ITGAV: variants seen among roughly 807,000 people sequenced by gnomAD.
ITGAV encodes the protein integrin alpha-V.
Under a neutral mutation model 143.8 loss-of-function variants are expected in ITGAV, and 76 were observed. The ratio of observed to expected loss-of-function variants is 0.53; its 90% CI spans 0.44 to 0.64. The LOEUF is 0.64. Ranked by LOEUF, ITGAV falls within the 30% of genes least tolerant of loss-of-function variation. ITGAV has a pLI of 0.00. For synonymous variants in ITGAV, 453 were observed against 446.7 expected, an observed-to-expected ratio of 1.01 and a Z score of -0.18; for missense variants, 1,193 against 1,274.7, an observed-to-expected ratio of 0.94 and a Z score of 0.98.
intron 21 of ITGAV, among the ~76,000 whole-genome samples, chr2:186,665,705 G>T (rs984784071): frequency 6.6e-6 from 1 of 152,154 alleles, no homozygotes; most frequent in African/African-American, 2.4e-5. Flanking sequence ...CTTGCTTTCC[G>T]AATCCTCTAA....
intron 13 of ITGAV, among the ~76,000 whole-genome samples, chr2:186,647,497 A>G (rs1688295813): frequency 6.6e-6 from 1 of 151,988 alleles, no homozygotes. Context: ...TGGCCTCCCA[A>G]AGTGTTGGGA....
At position 186,680,604 on chromosome 2, in the gene ITGAV, G is replaced by A. The variant is rs199915805; in HGVS notation, c.*3312G>A. On this transcript the variant is annotated 3_prime_UTR_variant, in exon 30 of 30. Transcript: ENST00000261023. The stretch of plus-strand genomic sequence containing the variant: ...AAGTGAGGTTATTTACCCCTAAATG[G>A]TCCATTCTGCATTGTATTTCAGGCT... 2 of 152,444 alleles carry A rather than the reference G, an allele frequency of 1.3e-5. No individual in the cohort carries two copies. The highest frequency in any genetic ancestry group is 2.9e-5 in the Non-Finnish European group (2 of 67,968). 9.4% of individuals were successfully genotyped at this position (152,444 alleles called of 1,614,324 possible).
intron 12 of ITGAV, among the ~76,000 whole-genome samples, chr2:186,643,199 C>A (rs1184719135): frequency 6.6e-6 from 1 of 152,182 alleles, no homozygotes. Flanking sequence ...TTACTGTGAT[C>A]TAGCCAACAT....
At position 186,654,756 on chromosome 2, in the gene ITGAV, C is replaced by T. The variant is rs760471500; in HGVS notation, c.1564+48C>T. ...TATTATTTTAATGATACTGCATACA[C>T]AGCACTTAAAAAATATTTTAAGATA... On this transcript the variant is annotated intron_variant, in intron 16 of 29. Coordinates refer to ENST00000261023, the MANE Select transcript of ITGAV (RefSeq NM_002210.5). 9.3e-6 allele frequency: 7 copies of T among 751,492 alleles called. No individual in the cohort carries two copies. In the African/African-American group the frequency reaches 1.1e-4, roughly 11 times the overall value. The allele number at this position is 751,492 out of a possible 1,614,324, so 46.6% of individuals were successfully genotyped here.
chr2:186,619,875 C>T (rs1687475122), intron 2 of ITGAV, among the ~76,000 whole-genome samples: 1 of 151,986 alleles, frequency 6.6e-6, no homozygotes, highest in Admixed American at 6.6e-5. Flanking sequence ...GCCTGTAATC[C>T]CAGCTACTTG....
intron 1 of ITGAV, among the ~76,000 whole-genome samples, chr2:186,594,851 C>T (rs1480059602): frequency 2.0e-5 from 3 of 152,190 alleles, no homozygotes; most frequent in Admixed American, 6.5e-5. Flanking sequence ...GCTGATTTTT[C>T]TCATCATAAA....
At chr2:186,597,033 A>G (rs1686766528) in intron 1 of ITGAV, among the ~76,000 whole-genome samples, 2 of 152,186 alleles carry the variant, frequency 1.3e-5, no homozygotes, top group Admixed American at 6.5e-5. Flanking sequence ...ACATGAAGGT[A>G]TGCTTAGGAA....
chr2:186,623,981 A>T (rs1687605932), intron 3 of ITGAV, among the ~76,000 whole-genome samples: 1 of 152,106 alleles, frequency 6.6e-6, no homozygotes, highest in Admixed American at 6.5e-5. Flanking sequence ...TCTTGATTAA[A>T]ACAGTCAAGT....
rs201182344 is a variant in ITGAV, at chr2:186,630,805, G to A, written c.532G>A (p.Asp178Asn). Residue 178 changes from aspartate to asparagine, a missense_variant, in exon 5 of 30, where the codon GAT (aspartate) becomes AAT (asparagine). By Grantham distance (23) the Asp-to-Asn change is conservative (BLOSUM62 1). Coordinates refer to ENST00000261023, the MANE Select transcript of ITGAV (RefSeq NM_002210.5). Reference sequence around the variant, plus strand: ...CAATCTTTTTATTTTAGAAGATATTGATGCTGATGGACAGGGATTTTGTCA... The same window carrying A: ...CAATCTTTTTATTTTAGAAGATATTAATGCTGATGGACAGGGATTTTGTCA... ...EYAPCRSQDI[D>N]ADGQGFCQGG... 44 of 1,568,896 alleles carry A rather than the reference G, an allele frequency of 2.8e-5. No individual in the cohort carries two copies. Among genetic ancestry groups the A allele is most frequent in the Non-Finnish European group, 3.8e-5 (43 of 1,141,528 alleles).
intron 2 of ITGAV, among the ~76,000 whole-genome samples, chr2:186,608,282 C>G (rs1442508637): frequency 6.6e-6 from 1 of 152,086 alleles, no homozygotes; most frequent in African/African-American, 2.4e-5. Flanking sequence ...TTTAGTTGAG[C>G]CTTAGGAAGC....
chr2:186,672,672 C>T (rs1026738639), intron 26 of ITGAV, among the ~76,000 whole-genome samples: 3 of 152,186 alleles, frequency 2.0e-5, no homozygotes, highest in Non-Finnish European at 4.4e-5. Context: ...ATATGCATTT[C>T]CCTGTAGACT....
intron 17 of ITGAV, 133 bp downstream of exon 17, chr2:186,656,534 T>C (rs1688591919): frequency 9.5e-6 from 6 of 633,238 alleles, no homozygotes; most frequent in Non-Finnish European, 1.5e-5. Context: ...GAAATTTAGC[T>C]TTGTAAAGTG....
intron 2 of ITGAV, among the ~76,000 whole-genome samples, chr2:186,607,848 C>T (rs1487007576): frequency 2.0e-5 from 3 of 152,008 alleles, no homozygotes; most frequent in Non-Finnish European, 2.9e-5. Context: ...TGGCCCCTGA[C>T]GTTAAGTTGC....
At chr2:186,668,216 ATTT>A (rs1186490756) in intron 24 of ITGAV, among the ~76,000 whole-genome samples, 1 of 4,196 alleles carries the variant, frequency 2.4e-4, no homozygotes, top group African/African-American at 6.4e-4. Flanking sequence ...ATATATATAT[ATTT>A]TTTTTTTTTT....
chr2:186,655,708 A>G (rs1376181239), intron 16 of ITGAV, among the ~76,000 whole-genome samples: 1 of 152,232 alleles, frequency 6.6e-6, no homozygotes, highest in African/African-American at 2.4e-5. Flanking sequence ...TTCTTGATGC[A>G]TTTAACTCTG....
At chr2:186,652,146 G>A (rs973542031) in intron 15 of ITGAV, 57 bp downstream of exon 15, 37 of 1,088,588 alleles carry the variant, frequency 3.4e-5, no homozygotes, top group Non-Finnish European at 4.7e-5. Context: ...GGCATTGTAA[G>A]AACAATTGAA....
In ITGAV at chr2:186,675,813, C is replaced by T. The variant is rs778208791; in HGVS notation, c.2821-7C>T. 1 of 1,586,230 alleles carries T rather than the reference C, an allele frequency of 6.3e-7. No individual in the cohort carries two copies. The highest frequency in any genetic ancestry group is 1.1e-5 in the South Asian group (1 of 88,854). Reference sequence around the variant, plus strand: ...TGGGAAATCATCTAATTGTTATTTCCAAACAGAAAGAAAATCAGAATCATT... The same window carrying T: ...TGGGAAATCATCTAATTGTTATTTCTAAACAGAAAGAAAATCAGAATCATT... On this transcript the variant is annotated splice_region_variant and splice_polypyrimidine_tract_variant and intron_variant, in intron 27 of 29. Transcript: ENST00000261023.
At chr2:186,675,485 A>G (rs932897122) in intron 26 of ITGAV, 119 bp from the exon 27 acceptor site, 177 of 681,918 alleles carry the variant, frequency 2.6e-4, no homozygotes, top group Non-Finnish European at 3.5e-4. Context: ...TTTTCAAGAC[A>G]GAAGAATCTG....
At chr2:186,627,260 G>T (rs1687699814) in intron 4 of ITGAV, among the ~76,000 whole-genome samples, 1 of 152,142 alleles carries the variant, frequency 6.6e-6, no homozygotes, top group South Asian at 2.1e-4. Context: ...CTGTTTTCAG[G>T]ATACATATAG....
Sources: allele counts gnomAD v4.1 joint callset (sites outside exome capture counted in the v4.1 genomes callset), GRCh38; gene constraint gnomAD v4.1.1; transcripts MANE v1.5; gene names NCBI Gene and HGNC (gene_info 2026-07-23, HGNC 2026-07-21).